Variants in FSTL5 observed in about 807,000 individuals in gnomAD.
FSTL5 encodes follistatin like 5.
FSTL5 carries 62 observed loss-of-function variants against 89.1 expected under a neutral mutation model. That is an observed-to-expected ratio of 0.70 (90% CI 0.57 to 0.86). FSTL5 has a LOEUF of 0.86. Ranked by LOEUF, FSTL5 falls within the 40% of genes least tolerant of loss-of-function variation. FSTL5 has a pLI of 0.00. For missense variants in FSTL5, 1,057 were observed against 1,001.6 expected (o/e 1.06, Z -0.75); for synonymous variants, 383 against 346.2 (o/e 1.11, Z -1.18).
chr4:161,841,375 G>T (rs1347052813), intron 4 of FSTL5, among the ~76,000 whole-genome samples: 1 of 152,120 alleles, frequency 6.6e-6, no homozygotes, highest in Non-Finnish European at 1.5e-5. Flanking sequence ...AGATCCACAG[G>T]AAATATAGTA....
chr4:161,881,690 T>C (rs1454755966), intron 4 of FSTL5, among the ~76,000 whole-genome samples: 2 of 152,092 alleles, frequency 1.3e-5, no homozygotes, highest in African/African-American at 4.8e-5. Context: ...TTTGTTTTGT[T>C]TTGCTTTTAT....
chr4:161,438,744 T>A (rs1206246373), intron 15 of FSTL5, among the ~76,000 whole-genome samples: 1 of 152,196 alleles, frequency 6.6e-6, no homozygotes, highest in Non-Finnish European at 1.5e-5. Flanking sequence ...GTAACTATGA[T>A]ATTGCAAATG....
chr4:161,860,575 T>C (rs1171141869), intron 4 of FSTL5, among the ~76,000 whole-genome samples: 1 of 152,206 alleles, frequency 6.6e-6, no homozygotes, highest in Non-Finnish European at 1.5e-5. Context: ...CACGCGATGG[T>C]AACACACATC....
chr4:162,008,907 T>G (rs994721583), intron 3 of FSTL5, among the ~76,000 whole-genome samples: 1 of 152,006 alleles, frequency 6.6e-6, no homozygotes, highest in East Asian at 1.9e-4. Flanking sequence ...AGAATGTTTC[T>G]CTACTTACTA....
At chr4:161,900,305 A>T (rs1480367109) in intron 4 of FSTL5, among the ~76,000 whole-genome samples, 1 of 152,150 alleles carries the variant, frequency 6.6e-6, no homozygotes, top group Non-Finnish European at 1.5e-5. Context: ...ACAGTGAATG[A>T]AGCATAAAGA....
chr4:161,434,184 G>A (rs888065840), intron 15 of FSTL5, among the ~76,000 whole-genome samples: 2 of 152,066 alleles, frequency 1.3e-5, no homozygotes, highest in Non-Finnish European at 2.9e-5. Context: ...AAAACAGCAT[G>A]GTACTGGCAT....
At chr4:162,158,380 C>A (rs1320005242) in intron 1 of FSTL5, among the ~76,000 whole-genome samples, 1 of 151,988 alleles carries the variant, frequency 6.6e-6, no homozygotes, top group Non-Finnish European at 1.5e-5. Flanking sequence ...GGGAAAACCC[C>A]TTAAGGTCTT....
intron 1 of FSTL5, among the ~76,000 whole-genome samples, chr4:162,114,964 T>C (rs960265612): frequency 6.6e-6 from 1 of 152,146 alleles, no homozygotes; most frequent in African/African-American, 2.4e-5. Flanking sequence ...CTCAGCAAAA[T>C]TTATGATATG....
At chr4:161,987,584 A>T (rs1205223321) in intron 3 of FSTL5, among the ~76,000 whole-genome samples, 1 of 147,578 alleles carries the variant, frequency 6.8e-6, no homozygotes, top group East Asian at 1.9e-4. Flanking sequence ...ATAAAGAAAT[A>T]TATAATAAAA....
chr4:161,641,369 T>G (rs1388336674), intron 7 of FSTL5, among the ~76,000 whole-genome samples: 1 of 152,182 alleles, frequency 6.6e-6, no homozygotes, highest in Non-Finnish European at 1.5e-5. Context: ...TGAGTTTATA[T>G]TTTGGGGTAC....
intron 7 of FSTL5, among the ~76,000 whole-genome samples, chr4:161,621,775 A>C (rs1735134008): frequency 6.7e-6 from 1 of 149,088 alleles, no homozygotes; most frequent in African/African-American, 2.5e-5. Flanking sequence ...TGAGGCCAGG[A>C]GTTCGAGACC....
At chr4:161,709,602 G>T (rs1158633711) in intron 6 of FSTL5, among the ~76,000 whole-genome samples, 1 of 151,984 alleles carries the variant, frequency 6.6e-6, no homozygotes, top group Non-Finnish European at 1.5e-5. Flanking sequence ...GGAGTTCAAG[G>T]CTACCTTGGG....
chr4:161,657,268 C>T (rs1260922477), intron 6 of FSTL5, among the ~76,000 whole-genome samples: 1 of 152,160 alleles, frequency 6.6e-6, no homozygotes, highest in Non-Finnish European at 1.5e-5. Context: ...TGAGAGATGA[C>T]TAGGATAATG....
At chr4:161,606,123 C>A (rs1323398768) in intron 7 of FSTL5, among the ~76,000 whole-genome samples, 1 of 150,396 alleles carries the variant, frequency 6.6e-6, no homozygotes, top group African/African-American at 2.5e-5. Flanking sequence ...CATAGGTTAC[C>A]CATCAGTTTA....
chr4:162,021,367 A>G (rs915420190), intron 3 of FSTL5, among the ~76,000 whole-genome samples: 2 of 152,214 alleles, frequency 1.3e-5, no homozygotes, highest in African/African-American at 4.8e-5. Flanking sequence ...TATTAACAGC[A>G]CAATCTTGGC....
chr4:161,684,214 T>A (rs1429390482), intron 6 of FSTL5, among the ~76,000 whole-genome samples: 1 of 152,208 alleles, frequency 6.6e-6, no homozygotes, highest in Admixed American at 6.5e-5. Context: ...TTTTTGCAAT[T>A]GCGAATTGTT....
At chr4:161,653,653 C>T (rs1294574081) in intron 7 of FSTL5, among the ~76,000 whole-genome samples, 2 of 151,922 alleles carry the variant, frequency 1.3e-5, no homozygotes, top group African/African-American at 4.8e-5. Flanking sequence ...ACAGTAAAGT[C>T]CTTATTAGCA....
intron 3 of FSTL5, among the ~76,000 whole-genome samples, chr4:161,981,146 A>G (rs927668781): frequency 5.9e-5 from 9 of 152,168 alleles, no homozygotes; most frequent in African/African-American, 2.2e-4. Flanking sequence ...TATAGTTCTA[A>G]GATACCTATT....
chr4:162,155,621 CA>C lies in FSTL5; in HGVS notation c.-17+7993del, dbSNP rs1286993710. Among the ~76,000 whole-genome samples the C allele has an allele frequency of 3.3e-5, 5 of 152,136 alleles. No homozygotes were observed. The South Asian group carries it at 8.3e-4, about 25-fold the overall frequency. ...GACACTGACATGACATTTACTGCAACAAAAACTGCAACAACTCTGAAAATCA... is the reference window on the plus strand; with the variant it reads ...GACACTGACATGACATTTACTGCAACAAAACTGCAACAACTCTGAAAATCA... On this transcript the variant is annotated intron_variant, in intron 1 of 15. Transcript: ENST00000306100.
Sources: gnomAD v4.1 joint callset for allele counts (sites outside exome capture counted in the v4.1 genomes callset) on GRCh38, gnomAD v4.1.1 for gene constraint, MANE v1.5 for transcripts, NCBI Gene and HGNC (gene_info 2026-07-23, HGNC 2026-07-21) for gene names.